ZBTB7C: variants seen among roughly 807,000 people sequenced by gnomAD.
The protein encoded by ZBTB7C is zinc finger and BTB domain containing 7C.
In ZBTB7C, 8 loss-of-function variants were observed where a neutral mutation model predicts 25.7. That is an observed-to-expected ratio of 0.31 (90% CI 0.18 to 0.56). ZBTB7C has a LOEUF of 0.56. Ranked by LOEUF, ZBTB7C falls within the 20% of genes least tolerant of loss-of-function variation. The probability of loss-of-function intolerance (pLI) is 0.91; values close to 1 mark genes in which losing one functional copy is unlikely to be tolerated. For synonymous variants in ZBTB7C, 394 were observed against 369.0 expected, an observed-to-expected ratio of 1.07 and a Z score of -0.78; for missense variants, 824 against 855.2, an observed-to-expected ratio of 0.96 and a Z score of 0.46.
At chr18:48,308,997 C>A (rs1251971050) in intron 2 of ZBTB7C, among the ~76,000 whole-genome samples, 2 of 152,196 alleles carry the variant, frequency 1.3e-5, no homozygotes, top group Non-Finnish European at 2.9e-5. Flanking sequence ...AAGGTGAGGT[C>A]TACCTGAAGA....
intron 3 of ZBTB7C, among the ~76,000 whole-genome samples, chr18:48,145,934 T>C (rs1197839416): frequency 4.6e-5 from 7 of 152,242 alleles, no homozygotes; most frequent in East Asian, 1.9e-4. Context: ...AGGTAAACCA[T>C]TGGAAAGTAA....
intron 1 of ZBTB7C, among the ~76,000 whole-genome samples, chr18:48,368,144 G>A (rs1313335533): frequency 2.0e-5 from 3 of 148,258 alleles, no homozygotes; most frequent in African/African-American, 7.5e-5. Flanking sequence ...AGACATGTTA[G>A]AATTATCTGA....
chr18:48,374,026 A>G (rs1354155762), intron 1 of ZBTB7C, among the ~76,000 whole-genome samples: 1 of 151,394 alleles, frequency 6.6e-6, no homozygotes, highest in African/African-American at 2.4e-5. Flanking sequence ...TGTTCTCACC[A>G]TGTGAAAAGT....
intron 3 of ZBTB7C, among the ~76,000 whole-genome samples, chr18:48,081,975 A>C (rs1245896535): frequency 1.1e-5 from 1 of 87,578 alleles, no homozygotes; most frequent in Non-Finnish European, 2.1e-5. Context: ...ATTAATGTTA[A>C]CTTGTATTTT....
intron 1 of ZBTB7C, among the ~76,000 whole-genome samples, chr18:48,403,723 G>C (rs1245686041): frequency 1.3e-5 from 2 of 152,178 alleles, no homozygotes. Flanking sequence ...ATTGGGTACA[G>C]TGTACGCTGC....
rs955955831 is a variant in ZBTB7C at position 48,395,287 on chromosome 18, G to A, written c.-304+13939C>T. On this transcript the variant is annotated intron_variant, in intron 1 of 4. Transcript: ENST00000590800. ...AGAATGTGTGTGTGTGTGTGTGTGT[G>A]TGTGTGTGTGTGTGTGTGTGTGTGT... is the stretch of plus-strand genomic sequence containing the variant. 3.0e-3 allele frequency among the ~76,000 whole-genome samples: 431 copies of A among 142,762 alleles called. 4 individuals carry two copies. Among genetic ancestry groups the A allele is most frequent in the African/African-American group, 0.011 (407 of 37,504 alleles). 93.7% of individuals were successfully genotyped at this position (142,762 alleles called of 152,430 possible).
chr18:48,112,747 T>C lies in ZBTB7C; in HGVS notation c.-16-71624A>G, dbSNP rs146992764. 1.5e-4 allele frequency among the ~76,000 whole-genome samples: 23 copies of C among 152,350 alleles called. No individual in the cohort carries two copies. In the East Asian group the frequency reaches 1.7e-3, roughly 11 times the overall value. ...ACAAAGTATATGTGCGGTAAATCCA[T>C]GGGCTATGTTTGTATATACTGAGAG... On this transcript the variant is annotated intron_variant, in intron 3 of 4. Transcript: ENST00000590800.
intron 1 of ZBTB7C, among the ~76,000 whole-genome samples, chr18:48,390,706 C>T (rs751935526): frequency 2.0e-5 from 3 of 152,206 alleles, no homozygotes; most frequent in South Asian, 2.1e-4. Context: ...GTCCCAGCAT[C>T]GCCAAGGTGT....
intron 3 of ZBTB7C, among the ~76,000 whole-genome samples, chr18:48,125,007 G>A (rs1396400446): frequency 6.6e-6 from 1 of 152,186 alleles, no homozygotes; most frequent in Non-Finnish European, 1.5e-5. Flanking sequence ...ACGGTCACAG[G>A]CAGAATGCAG....
At chr18:48,364,935 G>C (rs951038018) in intron 1 of ZBTB7C, among the ~76,000 whole-genome samples, 5 of 152,148 alleles carry the variant, frequency 3.3e-5, no homozygotes, top group Admixed American at 1.3e-4. Context: ...ACAGTTTGCT[G>C]GGCCCCACTC....
chr18:48,219,650 T>C (rs1187793766), intron 2 of ZBTB7C, among the ~76,000 whole-genome samples: 1 of 152,184 alleles, frequency 6.6e-6, no homozygotes, highest in East Asian at 1.9e-4. Flanking sequence ...CAAGGGGTAA[T>C]GCCTTCATTT....
intron 2 of ZBTB7C, among the ~76,000 whole-genome samples, chr18:48,244,823 T>G (rs1321262658): frequency 6.6e-6 from 1 of 152,128 alleles, no homozygotes; most frequent in East Asian, 1.9e-4. Context: ...AAAAGGAACA[T>G]CTTTACACTG....
In ZBTB7C at chr18:48,051,517, C is replaced by G. The variant is rs372461545; in HGVS notation, c.-16-10394G>C. Among the ~76,000 whole-genome samples, 11 of 152,294 alleles carry G rather than the reference C, an allele frequency of 7.2e-5. No individual in the cohort carries two copies. The South Asian group carries it at 2.1e-3, about 29-fold the overall frequency. On this transcript the variant is annotated intron_variant, in intron 3 of 4. Transcript: ENST00000590800. ...CTTTTACCTTTCAAAGCACTTTGAC[C>G]TCTTTGGTGGCAGGCCAGGCGGAAT...
intron 1 of ZBTB7C, among the ~76,000 whole-genome samples, chr18:48,368,983 G>C (rs1319607788): frequency 6.6e-6 from 1 of 152,106 alleles, no homozygotes; most frequent in South Asian, 2.1e-4. Flanking sequence ...AGGTACCTTA[G>C]GACAAGAGGA....
intron 1 of ZBTB7C, among the ~76,000 whole-genome samples, chr18:48,356,223 A>T (rs1373055402): frequency 6.6e-6 from 1 of 152,144 alleles, no homozygotes; most frequent in Non-Finnish European, 1.5e-5. Flanking sequence ...CAGAGACCCC[A>T]TCCCCAGGTA....
chr18:48,249,382 G>A (rs1467854086), intron 2 of ZBTB7C, among the ~76,000 whole-genome samples: 1 of 152,152 alleles, frequency 6.6e-6, no homozygotes, highest in African/African-American at 2.4e-5. Flanking sequence ...AAGGGGAATG[G>A]TTTAATAAAT....
intron 2 of ZBTB7C, among the ~76,000 whole-genome samples, chr18:48,219,307 A>G (rs1417854021): frequency 2.0e-5 from 3 of 152,154 alleles, no homozygotes; most frequent in Admixed American, 1.3e-4. Flanking sequence ...TCTCCCTCCT[A>G]GCAAAATCTG....
At chr18:48,226,014 T>A (rs1226185246) in intron 2 of ZBTB7C, among the ~76,000 whole-genome samples, 2 of 152,190 alleles carry the variant, frequency 1.3e-5, no homozygotes, top group Non-Finnish European at 2.9e-5. Context: ...GTGCTGGCAT[T>A]ACAGGCATAA....
chr18:48,064,646 A>T (rs761288611), intron 3 of ZBTB7C, among the ~76,000 whole-genome samples: 33 of 152,176 alleles, frequency 2.2e-4, no homozygotes, highest in Non-Finnish European at 4.1e-4. Flanking sequence ...AGGAGGCTGA[A>T]GTGGGAGGCT....
Sources: allele counts gnomAD v4.1 joint callset (sites outside exome capture counted in the v4.1 genomes callset), GRCh38; gene constraint gnomAD v4.1.1; transcripts MANE v1.5; gene names NCBI Gene and HGNC (gene_info 2026-07-23, HGNC 2026-07-21).